The following SGSM1 variants were observed in gnomAD, a reference collection of about 807,000 sequenced individuals.
SGSM1 encodes small G protein signaling modulator 1.
Under a neutral mutation model 133.8 loss-of-function variants are expected in SGSM1, and 73 were observed. The observed-to-expected ratio is 0.55, with a 90% CI of 0.45 to 0.66. The LOEUF (loss-of-function observed/expected upper bound fraction) is 0.66, where lower values mean the gene tolerates loss of function less well. Among genes scored for constraint, SGSM1 ranks in the 30% least tolerant of loss-of-function variants. SGSM1 has a pLI of 0.00. For synonymous variants in SGSM1, 563 were observed against 573.0 expected, an observed-to-expected ratio of 0.98 and a Z score of 0.25; for missense variants, 1,213 against 1,448.1, an observed-to-expected ratio of 0.84 and a Z score of 2.64.
intron 4 of SGSM1, among the ~76,000 whole-genome samples, chr22:24,848,419 A>G (rs935949271): frequency 6.6e-6 from 1 of 152,158 alleles, no homozygotes; most frequent in Non-Finnish European, 1.5e-5. Flanking sequence ...CACTGACTAG[A>G]AGTTAAAAAA....
intron 17 of SGSM1, 88 bp from the exon 18 acceptor site, chr22:24,895,135 A>G: frequency 7.5e-7 from 1 of 1,327,150 alleles, no homozygotes; most frequent in Non-Finnish European, 1.1e-6. Context: ...ATGCAACTAG[A>G]CTTTCTGGCT....
intron 2 of SGSM1, among the ~76,000 whole-genome samples, chr22:24,836,388 A>G (rs1167140382): frequency 2.6e-5 from 4 of 152,228 alleles, no homozygotes; most frequent in Non-Finnish European, 5.9e-5. Context: ...CCTTTTGGCT[A>G]CTGTGAATAA....
intron 5 of SGSM1, among the ~76,000 whole-genome samples, chr22:24,851,156 T>C (rs1028425489): frequency 4.6e-5 from 7 of 152,086 alleles, no homozygotes; most frequent in Middle Eastern, 6.8e-3. Flanking sequence ...TTTTTAACGT[T>C]TTCTCCACTA....
chr22:24,854,824 G>T (rs1930674410), intron 5 of SGSM1, among the ~76,000 whole-genome samples, 172 bp from the exon 6 acceptor site: 1 of 152,010 alleles, frequency 6.6e-6, no homozygotes, highest in Admixed American at 6.6e-5. Flanking sequence ...TTAAAAAAAA[G>T]AAATCCTTTT....
At chr22:24,812,145 G>A (rs917307603) in intron 2 of SGSM1, among the ~76,000 whole-genome samples, 1 of 149,626 alleles carries the variant, frequency 6.7e-6, no homozygotes, top group African/African-American at 2.5e-5. Flanking sequence ...ACTTCAGCCT[G>A]GGTGACAAAG....
At chr22:24,897,067 C>G (rs1932933199) in intron 18 of SGSM1, among the ~76,000 whole-genome samples, 1 of 151,854 alleles carries the variant, frequency 6.6e-6, no homozygotes, top group Non-Finnish European at 1.5e-5. Flanking sequence ...TATTTTGATT[C>G]CCTAGTACCC....
chr22:24,904,334 A>G (rs1347098902), intron 20 of SGSM1, among the ~76,000 whole-genome samples: 1 of 152,118 alleles, frequency 6.6e-6, no homozygotes, highest in Non-Finnish European at 1.5e-5. Flanking sequence ...TAATCCCAGC[A>G]CTTTGGGAGG....
intron 16 of SGSM1, among the ~76,000 whole-genome samples, chr22:24,892,985 C>T (rs749471640): frequency 1.9e-4 from 28 of 149,522 alleles, no homozygotes; most frequent in East Asian, 8.2e-4. Flanking sequence ...CATTTGAACC[C>T]GGGAGGCTGC....
intron 2 of SGSM1, among the ~76,000 whole-genome samples, chr22:24,842,163 A>G (rs1487693819): frequency 6.6e-6 from 1 of 152,174 alleles, no homozygotes; most frequent in Non-Finnish European, 1.5e-5. Context: ...CCTGCCTTAG[A>G]GGAGCAAAGG....
chr22:24,917,840 G>T, intron 23 of SGSM1, 86 bp downstream of exon 23: 2 of 1,142,748 alleles, frequency 1.8e-6, no homozygotes, highest in East Asian at 4.9e-5. Context: ...TGAGGTTGAG[G>T]GGTTGGCAAC....
At chr22:24,823,988 T>C (rs1217198808) in intron 2 of SGSM1, among the ~76,000 whole-genome samples, 1 of 152,186 alleles carries the variant, frequency 6.6e-6, no homozygotes, top group South Asian at 2.1e-4. Flanking sequence ...ATGGGAAAGC[T>C]GAGGTTCAGA....
At chr22:24,853,899 G>T (rs1930632250) in intron 5 of SGSM1, among the ~76,000 whole-genome samples, 1 of 151,616 alleles carries the variant, frequency 6.6e-6, no homozygotes, top group Non-Finnish European at 1.5e-5. Flanking sequence ...TTACAGGTGT[G>T]AGCCACTGCG....
chr22:24,839,255 G>A (rs1239061940), intron 2 of SGSM1, among the ~76,000 whole-genome samples: 2 of 152,032 alleles, frequency 1.3e-5, no homozygotes, highest in Admixed American at 6.6e-5. Flanking sequence ...GTAGAAGTTG[G>A]GTTTCACTGT....
intron 2 of SGSM1, among the ~76,000 whole-genome samples, chr22:24,842,057 G>C (rs1329683365): frequency 6.6e-6 from 1 of 152,180 alleles, no homozygotes; most frequent in African/African-American, 2.4e-5. Context: ...CTACGACTAA[G>C]CCTGGACTCA....
intron 23 of SGSM1, 71 bp from the exon 24 acceptor site, chr22:24,919,755 C>A: frequency 1.3e-6 from 2 of 1,580,232 alleles, no homozygotes; most frequent in East Asian, 2.2e-5. Flanking sequence ...CCTTGGGGGG[C>A]TTCCCAAGGC....
In SGSM1 at chr22:24,868,847, C is replaced by T. The variant is rs566634328; in HGVS notation, c.1283C>T (p.Ser428Leu). 2.0e-5 allele frequency: 32 copies of T among 1,613,718 alleles called. No homozygotes were observed. In the Admixed American group the frequency reaches 3.3e-4, roughly 17 times the overall value. ...VFRIIYPGMQSEFVPQDLMDV... is the reference protein window; with the variant it reads ...VFRIIYPGMQLEFVPQDLMDV... ...AGGATCATCTACCCTGGCATGCAGT[C>T]GGAATTCGGTGAGCTGCCCTGTCCC... The change falls in exon 12 of 25, where the codon TCG becomes TTG. Residue 428 changes from serine to leucine, a missense_variant. By Grantham distance (145) the Ser-to-Leu change is moderately radical. Transcript: ENST00000400358.
rs1324177331 is a variant in SGSM1 at position 24,926,499 on chromosome 22, A to G, written c.*2225A>G. ...GCCGTTCAGCTGTTCTTTACAGAGG[A>G]TGTTATTTTAGTGAGACCCAGGTCC... On this transcript the variant is annotated 3_prime_UTR_variant, in exon 25 of 25. Coordinates refer to ENST00000400358, the MANE Select transcript of SGSM1 (RefSeq NM_001098497.3). The G allele has an allele frequency of 6.6e-6, 1 of 152,150 alleles. No homozygotes were observed. The highest frequency in any genetic ancestry group is 1.5e-5 in the Non-Finnish European group (1 of 68,030). The allele number at this position is 152,150 out of a possible 1,614,324, so 9.4% of individuals were successfully genotyped here.
In SGSM1 at chr22:24,839,565, T is replaced by G. The variant is rs117269891; in HGVS notation, c.64-5332T>G. On this transcript the variant is annotated intron_variant, in intron 2 of 24. Coordinates refer to ENST00000400358, the MANE Select transcript of SGSM1 (RefSeq NM_001098497.3). ...TGGAAGAATTTGAGAAGAATTAGTT[T>G]AATTATTTTCATGTTTGGTAGAATT... Among the ~76,000 whole-genome samples the G allele has an allele frequency of 9.0e-3, 1,373 of 152,336 alleles. 6 individuals are homozygous for G. The highest frequency in any genetic ancestry group is 0.013 in the Non-Finnish European group (918 of 68,034).
chr22:24,900,722 A>G (rs1222284032), intron 19 of SGSM1, among the ~76,000 whole-genome samples: 1 of 152,086 alleles, frequency 6.6e-6, no homozygotes, highest in East Asian at 1.9e-4. Flanking sequence ...CAGTAAACAT[A>G]CTTATTTTAT....
Sources: allele counts gnomAD v4.1 joint callset (sites outside exome capture counted in the v4.1 genomes callset), GRCh38; gene constraint gnomAD v4.1.1; transcripts MANE v1.5; gene names NCBI Gene and HGNC (gene_info 2026-07-23, HGNC 2026-07-21).